DYM: variants seen among roughly 807,000 people sequenced by gnomAD.
DYM encodes the protein dymeclin.
DYM carries 78 observed loss-of-function variants against 93.1 expected under a neutral mutation model. The ratio of observed to expected loss-of-function variants is 0.84; its 90% confidence interval spans 0.70 to 1.01. The LOEUF (loss-of-function observed/expected upper bound fraction) is 1.01, where lower values mean the gene tolerates loss of function less well. Among genes scored for constraint, DYM ranks in the 50% least tolerant of loss-of-function variants. DYM has a pLI of 0.00. For missense variants in DYM, 789 were observed against 845.0 expected (o/e 0.93, Z 0.82); for synonymous variants, 321 against 319.7 (o/e 1.00, Z -0.04).
rs540189318 is a variant in DYM, at chr18:49,195,916, C to CTTTTTTTTTTTTTTTTTTTTTT, written c.1625+13613_1625+13634dup. On this transcript the variant is annotated intron_variant, in intron 14 of 17. Transcript: ENST00000675505. ...ATTATGCTCTCTTGAATGCTACCAT[C>CTTTTTTTTTTTTTTTTTTTTTT]TTTTTTTTTTTTTTTTTTTTTTTTT... Among the ~76,000 whole-genome samples, 5 of 84,026 alleles carry CTTTTTTTTTTTTTTTTTTTTTT rather than the reference C, an allele frequency of 6.0e-5. 1 individual carries two copies. The highest frequency in any genetic ancestry group is 2.8e-4 in the African/African-American group (5 of 17,738). 55.1% of individuals were successfully genotyped at this position (84,026 alleles called of 152,430 possible). A position where few individuals can be genotyped will look rare whatever the true frequency, so the allele number is the denominator to read the frequency against.
intron 15 of DYM, among the ~76,000 whole-genome samples, chr18:49,153,672 T>C (rs1447093641): frequency 1.3e-5 from 2 of 152,098 alleles, no homozygotes; most frequent in Admixed American, 1.3e-4. Context: ...GTGTCCAAAC[T>C]GATAGAAATA....
At chr18:49,060,054 C>T (rs1188546124) in intron 17 of DYM, among the ~76,000 whole-genome samples, 1 of 152,058 alleles carries the variant, frequency 6.6e-6, no homozygotes, top group Non-Finnish European at 1.5e-5. Context: ...CCTTAAGGAT[C>T]TTAACATTTA....
At chr18:49,315,658 A>G (rs1377474611) in intron 8 of DYM, among the ~76,000 whole-genome samples, 1 of 152,266 alleles carries the variant, frequency 6.6e-6, no homozygotes, top group African/African-American at 2.4e-5. Flanking sequence ...TCAAATAATT[A>G]GCACAATTAT....
intron 8 of DYM, among the ~76,000 whole-genome samples, chr18:49,310,160 T>TA (rs557326451): frequency 6.6e-6 from 1 of 152,230 alleles, no homozygotes; most frequent in Non-Finnish European, 1.5e-5. Flanking sequence ...AAAGAAAATC[T>TA]AATGTATCAA....
intron 8 of DYM, among the ~76,000 whole-genome samples, chr18:49,319,000 T>C (rs1430756381): frequency 1.3e-5 from 2 of 151,536 alleles, no homozygotes; most frequent in Non-Finnish European, 2.9e-5. Flanking sequence ...AGAGACGGGG[T>C]TTCACCATCT....
rs115482069 is a variant in DYM, at chr18:49,097,988, A to G, written c.1912-473T>C. On this transcript the variant is annotated intron_variant, in intron 16 of 17. Coordinates refer to ENST00000675505, the MANE Select transcript of DYM (RefSeq NM_001353214.3). ...TTGGGGATTATCTATGAATTTAGCC[A>G]CATTTCCCTTATCATGATCACCAGG... 3.0e-3 allele frequency among the ~76,000 whole-genome samples: 458 copies of G among 152,180 alleles called. 3 individuals are homozygous for G. Among genetic ancestry groups the G allele is most frequent in the African/African-American group, 0.01 (424 of 41,524 alleles).
At chr18:49,080,750 CAGCTCCGGGCGGAGG>C (rs2077889290) in intron 17 of DYM, among the ~76,000 whole-genome samples, 2 of 128,742 alleles carry the variant, frequency 1.6e-5, no homozygotes, top group Non-Finnish European at 1.6e-5. Context: ...TCAGACGGGG[CAGCTCCGGGCGGAGG>C]GGCTCCTCAC....
At chr18:49,408,331 A>G (rs2071769523) in intron 2 of DYM, among the ~76,000 whole-genome samples, 2 of 152,186 alleles carry the variant, frequency 1.3e-5, no homozygotes, top group Non-Finnish European at 2.9e-5. Flanking sequence ...ACTGGTGGAC[A>G]TTTAAGTTGT....
chr18:49,044,285 T>A, intron 17 of DYM, 81 bp from the exon 18 acceptor site: 1 of 1,550,884 alleles, frequency 6.4e-7, no homozygotes, highest in Non-Finnish European at 8.8e-7. Context: ...GGTGGTGCTG[T>A]GGTGTGCGGG....
At chr18:49,151,110 A>C (rs1046146248) in intron 15 of DYM, among the ~76,000 whole-genome samples, 1 of 152,188 alleles carries the variant, frequency 6.6e-6, no homozygotes, top group Non-Finnish European at 1.5e-5. Flanking sequence ...CCAAATTTCT[A>C]TCTCAGAAAC....
chr18:49,376,411 A>C (rs1296222322), intron 5 of DYM, among the ~76,000 whole-genome samples: 2 of 152,232 alleles, frequency 1.3e-5, no homozygotes, highest in Non-Finnish European at 2.9e-5. Flanking sequence ...GTTTCCACAT[A>C]AACAGAAAAC....
chr18:49,141,272 C>T (rs1375892105), intron 15 of DYM, among the ~76,000 whole-genome samples: 1 of 152,206 alleles, frequency 6.6e-6, no homozygotes, highest in Non-Finnish European at 1.5e-5. Flanking sequence ...AGCCTCAACA[C>T]TTAGCCCTTT....
At chr18:49,148,104 A>T (rs2085368077) in intron 15 of DYM, among the ~76,000 whole-genome samples, 3 of 152,182 alleles carry the variant, frequency 2.0e-5, no homozygotes, top group African/African-American at 7.2e-5. Flanking sequence ...CAAAAAACCA[A>T]ACACCGCATG....
At chr18:49,388,860 T>A (rs2068887038) in intron 3 of DYM, among the ~76,000 whole-genome samples, 1 of 141,854 alleles carries the variant, frequency 7.0e-6, no homozygotes, top group African/African-American at 2.6e-5. Flanking sequence ...AAATTCTATA[T>A]CCAGCAAAAC....
chr18:49,267,831 G>C (rs1329395263), intron 11 of DYM, among the ~76,000 whole-genome samples: 1 of 152,190 alleles, frequency 6.6e-6, no homozygotes, highest in Non-Finnish European at 1.5e-5. Context: ...CCACGAGGCG[G>C]AGGTTGCAGT....
chr18:49,454,542 C>T (rs1195405587), intron 1 of DYM, among the ~76,000 whole-genome samples: 2 of 152,072 alleles, frequency 1.3e-5, no homozygotes, highest in South Asian at 2.1e-4. Flanking sequence ...ACTCTGTAGA[C>T]GTCATGCATG....
chr18:49,112,468 C>A (rs890839279), intron 16 of DYM, among the ~76,000 whole-genome samples: 2 of 152,150 alleles, frequency 1.3e-5, no homozygotes, highest in African/African-American at 2.4e-5. Context: ...GGTGTCTCAC[C>A]TCAACTTGAG....
At chr18:49,068,239 C>T (rs1376684330) in intron 17 of DYM, among the ~76,000 whole-genome samples, 1 of 152,140 alleles carries the variant, frequency 6.6e-6, no homozygotes, top group Non-Finnish European at 1.5e-5. Flanking sequence ...AGGATAGGAG[C>T]CTGGATCTGC....
intron 16 of DYM, among the ~76,000 whole-genome samples, chr18:49,107,572 A>C (rs2080965956): frequency 6.6e-6 from 1 of 152,144 alleles, no homozygotes; most frequent in South Asian, 2.1e-4. Context: ...GGTCATGTAC[A>C]GATGGGGTTT....
Sources: allele counts gnomAD v4.1 joint callset (sites outside exome capture counted in the v4.1 genomes callset), GRCh38; gene constraint gnomAD v4.1.1; transcripts MANE v1.5; gene names NCBI Gene and HGNC (gene_info 2026-07-23, HGNC 2026-07-21).